LRP2: variants seen among roughly 807,000 people sequenced by gnomAD.
The protein encoded by LRP2 is LDL receptor related protein 2, also known as low-density lipoprotein receptor-related protein 2.
In LRP2, 172 loss-of-function variants were observed where a neutral mutation model predicts 531.0. The ratio of observed to expected loss-of-function variants is 0.32; its 90% CI spans 0.29 to 0.37. The LOEUF is 0.37. Ranked by LOEUF, LRP2 falls within the 10% of genes least tolerant of loss-of-function variation. LRP2 has a pLI of 1.00. For synonymous variants in LRP2, 1,992 were observed against 2,027.6 expected, an observed-to-expected ratio of 0.98 and a Z score of 0.47; for missense variants, 5,167 against 5,868.3, an observed-to-expected ratio of 0.88 and a Z score of 3.90.
In LRP2 at chr2:169,168,695, A is replaced by G. The variant is rs1353975683; in HGVS notation, c.11498-19T>C. The G allele has an allele frequency of 5.7e-6, 9 of 1,590,520 alleles. No homozygotes were observed. Among genetic ancestry groups the G allele is most frequent in the Non-Finnish European group, 7.8e-6 (9 of 1,158,212 alleles). On this transcript the variant is annotated intron_variant, in intron 60 of 78. Coordinates refer to ENST00000649046, the MANE Select transcript of LRP2 (RefSeq NM_004525.3). ...CGTGTGGCTGCCATGGGGGAAAAAAACATATTCAAATTATTATACAAATTG... is the reference window on the plus strand; with the variant it reads ...CGTGTGGCTGCCATGGGGGAAAAAAGCATATTCAAATTATTATACAAATTG...
intron 16 of LRP2, among the ~76,000 whole-genome samples, chr2:169,268,877 C>T (rs563706134): frequency 3.2e-4 from 49 of 152,306 alleles, no homozygotes; most frequent in African/African-American, 1.2e-3. Context: ...CCAATATCTC[C>T]TTAAGCTGAT....
chr2:169,340,818 A>G (rs923127616), intron 1 of LRP2, among the ~76,000 whole-genome samples: 3 of 152,126 alleles, frequency 2.0e-5, no homozygotes, highest in African/African-American at 7.2e-5. Flanking sequence ...GAGCATGCCT[A>G]TTACCTCCCC....
At chr2:169,244,124 T>C (rs1369917092) in intron 22 of LRP2, among the ~76,000 whole-genome samples, 1 of 152,230 alleles carries the variant, frequency 6.6e-6, no homozygotes, top group East Asian at 1.9e-4. Flanking sequence ...GATAGTGACT[T>C]GCCTAGTCAG....
chr2:169,188,299 G>C, intron 48 of LRP2, 34 bp from the exon 49 acceptor site: 1 of 1,610,316 alleles, frequency 6.2e-7, no homozygotes, highest in Non-Finnish European at 8.5e-7. Context: ...CTTTCAGAGA[G>C]GTTGGCAATA....
intron 53 of LRP2, among the ~76,000 whole-genome samples, chr2:169,177,290 A>C (rs1203404197): frequency 6.6e-6 from 1 of 152,216 alleles, no homozygotes; most frequent in African/African-American, 2.4e-5. Flanking sequence ...GCATAAAAGG[A>C]ATATAAGTTC....
At chr2:169,211,739 C>G (rs1277473586) in intron 37 of LRP2, among the ~76,000 whole-genome samples, 2 of 152,124 alleles carry the variant, frequency 1.3e-5, no homozygotes, top group African/African-American at 4.8e-5. Context: ...ACTACAAAAT[C>G]AGAAAAATCT....
chr2:169,315,782 G>C (rs554257636), intron 3 of LRP2, among the ~76,000 whole-genome samples: 2 of 152,146 alleles, frequency 1.3e-5, no homozygotes, highest in East Asian at 3.9e-4. Context: ...GGCCAACCCA[G>C]AGACTACTGC....
chr2:169,254,499 CGGGGGAG>C (rs1690218671), intron 19 of LRP2, among the ~76,000 whole-genome samples: 1 of 53,126 alleles, frequency 1.9e-5, no homozygotes, highest in Non-Finnish European at 3.3e-5. Context: ...GTGGTGGGGT[CGGGGGAG>C]GGGGGAGGGA....
intron 40 of LRP2, 54 bp from the exon 41 acceptor site, chr2:169,205,691 T>TAAAAA: frequency 8.2e-7 from 1 of 1,221,064 alleles, no homozygotes; most frequent in Non-Finnish European, 1.2e-6. Context: ...CATAGTCCTT[T>TAAAAA]AAAAAAAAAA....
chr2:169,318,663 C>T (rs1559073011), intron 3 of LRP2, 99 bp downstream of exon 3: 1 of 1,552,528 alleles, frequency 6.4e-7, no homozygotes, highest in Non-Finnish European at 8.9e-7. Context: ...CCCTGCTCCA[C>T]ATTTATAAAG....
At position 169,206,068 on chromosome 2, in the gene LRP2, G is replaced by A; in HGVS notation, c.7511C>T (p.Ala2504Val). The change falls in exon 40 of 79, where the codon GCC becomes GTC. Residue 2504 changes from alanine to valine, a missense_variant. Coordinates refer to ENST00000649046, the MANE Select transcript of LRP2 (RefSeq NM_004525.3). Reference protein sequence around the residue: ...AEDGSNRTVIARVPKPRAIVL... With the variant: ...AEDGSNRTVIVRVPKPRAIVL... ...AATTGCTCTTGGTTTTGGAACGCGG[G>A]CTATCACAGTGCGGTTAGACCCATC... The A allele has an allele frequency of 6.2e-7, 1 of 1,614,196 alleles. No individual in the cohort carries two copies. Among genetic ancestry groups the A allele is most frequent in the Non-Finnish European group, 8.5e-7 (1 of 1,180,038 alleles).
intron 76 of LRP2, among the ~76,000 whole-genome samples, chr2:169,135,901 C>T (rs1317545806): frequency 5.9e-5 from 9 of 152,088 alleles, no homozygotes; most frequent in African/African-American, 1.2e-4. Flanking sequence ...TTTATACCAC[C>T]GGTTTACACT....
intron 1 of LRP2, among the ~76,000 whole-genome samples, chr2:169,334,653 A>G (rs1035699167): frequency 6.6e-6 from 1 of 152,230 alleles, no homozygotes; most frequent in Admixed American, 6.5e-5. Flanking sequence ...TCCCTGTGTC[A>G]TTCCAAACTC....
rs1690259535 is a variant in LRP2 at position 169,255,331 on chromosome 2, C to G, written c.2770+775G>C. Among the ~76,000 whole-genome samples the G allele has an allele frequency of 2.0e-5, 3 of 152,134 alleles. No homozygotes were observed. The South Asian group carries it at 6.2e-4, about 32-fold the overall frequency. ...CAGAGCTCCTGTTTTCAAGACTAAG[C>G]AAACCACCTGTTTCATGGTACCAGG... On this transcript the variant is annotated intron_variant, in intron 19 of 78. Coordinates refer to ENST00000649046, the MANE Select transcript of LRP2 (RefSeq NM_004525.3).
intron 1 of LRP2, among the ~76,000 whole-genome samples, chr2:169,359,321 G>C (rs1317382403): frequency 6.6e-6 from 1 of 152,162 alleles, no homozygotes; most frequent in Non-Finnish European, 1.5e-5. Flanking sequence ...CTTGACTCGA[G>C]TTCAGACTCT....
intron 64 of LRP2, 134 bp downstream of exon 64, chr2:169,157,237 G>T: frequency 1.1e-6 from 1 of 945,556 alleles, no homozygotes; most frequent in Non-Finnish European, 1.6e-6. Context: ...GTAGTTTAAT[G>T]ACCTAGAACC....
intron 33 of LRP2, among the ~76,000 whole-genome samples, chr2:169,224,475 G>A (rs192772613): frequency 1.3e-5 from 2 of 152,278 alleles, no homozygotes; most frequent in Admixed American, 1.3e-4. Flanking sequence ...GAAGAAGAGA[G>A]TATCAAAGGA....
chr2:169,355,202 G>T (rs1424040675), intron 1 of LRP2, among the ~76,000 whole-genome samples: 1 of 152,106 alleles, frequency 6.6e-6, no homozygotes, highest in Non-Finnish European at 1.5e-5. Context: ...GTTGCAACAT[G>T]GTCACATGGG....
In LRP2 at chr2:169,139,331, T is replaced by A. The variant is rs576861877; in HGVS notation, c.13308A>T (p.Val4436=). ...ATCCTGCAATTGCCAGAGCTCCAAT[T>A]ACGACGATCAAGAGGATTGTCAACA... is the stretch of plus-strand genomic sequence containing the variant. The part of the protein sequence containing the change: ...AVLLTILLIV[V]IGALAIAGFF... Residue 4436 remains valine (V), a synonymous_variant, in exon 74 of 79, where the codon GTA becomes GTT. Transcript: ENST00000649046. 14 of 1,614,152 alleles carry A rather than the reference T, an allele frequency of 8.7e-6. No homozygotes were observed. In the South Asian group the frequency reaches 1.4e-4, roughly 16 times the overall value.
Sources: gnomAD v4.1 joint callset for allele counts (sites outside exome capture counted in the v4.1 genomes callset) on GRCh38, gnomAD v4.1.1 for gene constraint, MANE v1.5 for transcripts, NCBI Gene and HGNC (gene_info 2026-07-23, HGNC 2026-07-21) for gene names.